ZDHHC14: variants seen among roughly 807,000 people sequenced by gnomAD.
ZDHHC14 encodes the protein zDHHC palmitoyltransferase 14.
In ZDHHC14, 16 loss-of-function variants were observed where a neutral mutation model predicts 47.7. The observed-to-expected ratio is 0.34, with a 90% CI of 0.23 to 0.51. The LOEUF (loss-of-function observed/expected upper bound fraction) is 0.51, where lower values mean the gene tolerates loss of function less well. ZDHHC14 is among the 20% of genes least tolerant of loss of function. ZDHHC14 has a pLI of 0.97. For synonymous variants in ZDHHC14, 293 were observed against 278.9 expected (o/e 1.05, Z -0.50); for missense variants, 515 against 662.5 (o/e 0.78, Z 2.44).
chr6:157,498,133 T>C lies in ZDHHC14; in HGVS notation c.246-44452T>C, dbSNP rs1294572508. ...AATGATGCACTATGAATGGAGGACA[T>C]GTTAGCAATAAAGAGCCGGGGGGCT... is the stretch of plus-strand genomic sequence containing the variant. On this transcript the variant is annotated intron_variant, in intron 1 of 8. Transcript: ENST00000359775. 2.0e-5 allele frequency among the ~76,000 whole-genome samples: 3 copies of C among 152,134 alleles called. 1 individual carries two copies.
rs1395926438 is a variant in ZDHHC14, at chr6:157,675,380, T to C, written c.*2258T>C. On this transcript the variant is annotated 3_prime_UTR_variant, in exon 9 of 9. Coordinates refer to ENST00000359775, the MANE Select transcript of ZDHHC14 (RefSeq NM_024630.3). ...TCACGACTCACTTGTCTTCACATAA[T>C]GGATATTTACTTAATATTTATTATC... 6.6e-6 allele frequency: 1 copy of C among 152,254 alleles called. No homozygotes were observed. The highest frequency in any genetic ancestry group is 2.4e-5 in the African/African-American group (1 of 41,464). The allele number at this position is 152,254 out of a possible 1,614,324, so 9.4% of individuals were successfully genotyped here.
At chr6:157,541,039 G>A (rs947655632) in intron 1 of ZDHHC14, among the ~76,000 whole-genome samples, 4 of 151,744 alleles carry the variant, frequency 2.6e-5, no homozygotes, top group Non-Finnish European at 5.9e-5. Flanking sequence ...ACAAGAATAA[G>A]AGTAGTACAA....
At chr6:157,492,814 G>A (rs1583704540) in intron 1 of ZDHHC14, among the ~76,000 whole-genome samples, 2 of 152,190 alleles carry the variant, frequency 1.3e-5, no homozygotes, top group African/African-American at 4.8e-5. Context: ...ACAGGCGTGA[G>A]TGGGGACCCA....
intron 1 of ZDHHC14, among the ~76,000 whole-genome samples, chr6:157,440,358 C>T (rs1778536984): frequency 6.6e-6 from 1 of 151,992 alleles, no homozygotes; most frequent in Non-Finnish European, 1.5e-5. Context: ...CCTGAGATAC[C>T]TCTTCACACC....
intron 4 of ZDHHC14, chr6:157,631,378 C>T (rs1785731453): frequency 6.6e-6 from 1 of 152,224 alleles, no homozygotes; most frequent in South Asian, 2.1e-4. Flanking sequence ...TTGGAATATC[C>T]TGGGCAAAAG....
chr6:157,556,297 G>A (rs62425059), intron 2 of ZDHHC14, among the ~76,000 whole-genome samples: 2,466 of 152,214 alleles, frequency 0.016, 30 homozygotes, highest in Middle Eastern at 0.051. Context: ...ACCCCACAGC[G>A]CTCGCTGTCC....
intron 1 of ZDHHC14, among the ~76,000 whole-genome samples, chr6:157,458,618 T>G (rs1475708170): frequency 6.6e-6 from 1 of 151,934 alleles, no homozygotes; most frequent in African/African-American, 2.4e-5. Flanking sequence ...CTGGGGCAGG[T>G]GGGGGCTGTG....
intron 1 of ZDHHC14, among the ~76,000 whole-genome samples, chr6:157,388,030 A>G (rs946574594): frequency 2.0e-5 from 3 of 152,220 alleles, no homozygotes; most frequent in Non-Finnish European, 2.9e-5. Context: ...GCTTTTCTTA[A>G]TTATTTAGAA....
At chr6:157,392,701 A>C (rs796643107) in intron 1 of ZDHHC14, among the ~76,000 whole-genome samples, 23 of 150,774 alleles carry the variant, frequency 1.5e-4, no homozygotes, top group African/African-American at 5.6e-4. Context: ...CAATCCTTCT[A>C]TCTGTAGAAG....
intron 1 of ZDHHC14, among the ~76,000 whole-genome samples, chr6:157,528,517 G>T (rs1466145880): frequency 6.6e-6 from 1 of 151,992 alleles, no homozygotes; most frequent in Non-Finnish European, 1.5e-5. Context: ...AGATCACGAG[G>T]TCAGGAGATC....
intron 1 of ZDHHC14, among the ~76,000 whole-genome samples, chr6:157,518,144 A>G (rs989192840): frequency 6.6e-6 from 1 of 152,160 alleles, no homozygotes; most frequent in Non-Finnish European, 1.5e-5. Context: ...TGGAAGGCCT[A>G]ATAGAACAAA....
chr6:157,512,508 A>G (rs1021470351), intron 1 of ZDHHC14, among the ~76,000 whole-genome samples: 1 of 152,236 alleles, frequency 6.6e-6, no homozygotes, highest in Non-Finnish European at 1.5e-5. Flanking sequence ...ACACACATGC[A>G]CACTTTGTTG....
intron 1 of ZDHHC14, among the ~76,000 whole-genome samples, chr6:157,437,302 C>T (rs749314901): frequency 6.6e-6 from 1 of 152,200 alleles, no homozygotes; most frequent in Non-Finnish European, 1.5e-5. Context: ...ATAAGGTTAA[C>T]GGATGCTTCC....
intron 3 of ZDHHC14, among the ~76,000 whole-genome samples, chr6:157,624,618 A>T (rs1785329539): frequency 6.6e-6 from 1 of 152,184 alleles, no homozygotes; most frequent in African/African-American, 2.4e-5. Flanking sequence ...GTAGCATTTA[A>T]TGGACAGGAG....
intron 1 of ZDHHC14, among the ~76,000 whole-genome samples, chr6:157,387,339 A>G (rs1777333017): frequency 6.6e-6 from 1 of 152,212 alleles, no homozygotes; most frequent in South Asian, 2.1e-4. Flanking sequence ...ATTTCCAAGA[A>G]CGACGTCTCT....
At chr6:157,538,767 C>T (rs1472317366) in intron 1 of ZDHHC14, among the ~76,000 whole-genome samples, 5 of 152,132 alleles carry the variant, frequency 3.3e-5, no homozygotes, top group East Asian at 3.9e-4. Context: ...TTTCAGGAAG[C>T]GGTATTGAGC....
intron 1 of ZDHHC14, among the ~76,000 whole-genome samples, chr6:157,431,758 C>T (rs1405698643): frequency 1.4e-5 from 2 of 144,594 alleles, no homozygotes; most frequent in African/African-American, 5.2e-5. Flanking sequence ...GAGACGGAGT[C>T]TCACTGTGTC....
intron 1 of ZDHHC14, chr6:157,529,233 C>T (rs1781279458): frequency 6.5e-6 from 1 of 154,730 alleles, no homozygotes; most frequent in Non-Finnish European, 1.5e-5. Context: ...CCCACCCTCT[C>T]TTCACAGGGA....
chr6:157,633,148 G>A (rs1017623678), intron 5 of ZDHHC14, among the ~76,000 whole-genome samples: 1 of 152,168 alleles, frequency 6.6e-6, no homozygotes, highest in African/African-American at 2.4e-5. Context: ...TGTTCAGTCA[G>A]GTTGGTTTGG....
Sources: allele counts gnomAD v4.1 joint callset (sites outside exome capture counted in the v4.1 genomes callset), GRCh38; gene constraint gnomAD v4.1.1; transcripts MANE v1.5; gene names NCBI Gene and HGNC (gene_info 2026-07-23, HGNC 2026-07-21).